Variants in ADGRV1 observed in about 807,000 individuals in gnomAD.
ADGRV1 encodes G-protein coupled receptor 98.
Under a neutral mutation model 596.2 loss-of-function variants are expected in ADGRV1, and 359 were observed. The observed-to-expected ratio is 0.60, with a 90% CI of 0.55 to 0.66. The LOEUF (loss-of-function observed/expected upper bound fraction) is 0.66. ADGRV1 is among the 30% of genes least tolerant of loss of function. The pLI, the probability that ADGRV1 is intolerant of heterozygous loss-of-function variation, is 0.00. For synonymous variants in ADGRV1, 2,681 were observed against 2,679.2 expected (o/e 1.00, Z -0.02); for missense variants, 7,274 against 7,575.6 (o/e 0.96, Z 1.48).
chr5:90,593,148 A>G (rs1759745337), intron 1 of ADGRV1, among the ~76,000 whole-genome samples: 1 of 152,232 alleles, frequency 6.6e-6, no homozygotes, highest in African/African-American at 2.4e-5. Flanking sequence ...AGACACATGC[A>G]CATGTATGTT....
chr5:91,036,529 T>G (rs1784925205), intron 85 of ADGRV1, among the ~76,000 whole-genome samples: 1 of 149,928 alleles, frequency 6.7e-6, no homozygotes, highest in Non-Finnish European at 1.5e-5. Context: ...GCCACTGCAC[T>G]CTAGCCTGGG....
In ADGRV1 at chr5:91,072,574, G is replaced by A; in HGVS notation, c.18280G>A (p.Asp6094Asn). ...QVKPQWKAYD[D>N]VFRGRTNAAE... Reference sequence around the variant, plus strand: ...GAAGCCACAGTGGAAAGCATATGATGATGTCTTCAGAGGAAGGACAAATGC... The same window carrying A: ...GAAGCCACAGTGGAAAGCATATGATAATGTCTTCAGAGGAAGGACAAATGC... The change falls in exon 86 of 90, where the codon GAT becomes AAT. Residue 6094 changes from aspartate (D) to asparagine (N), a missense_variant. Coordinates refer to ENST00000405460, the MANE Select transcript of ADGRV1 (RefSeq NM_032119.4). The A allele has an allele frequency of 6.2e-7, 1 of 1,613,814 alleles. No homozygotes were observed. The highest frequency in any genetic ancestry group is 8.5e-7 in the Non-Finnish European group (1 of 1,179,738).
chr5:90,848,680 G>A lies in ADGRV1; in HGVS notation c.17063G>A (p.Arg5688Gln), dbSNP rs374682222. Reference protein sequence around the residue: ...GKIQAFSVASRTLFYEILCSL... With the variant: ...GKIQAFSVASQTLFYEILCSL... ...ATTCAAGCTTTCAGTGTTGCCAGCC[G>A]AACTCTTTTCTATGAGATTCTTTGT... Residue 5688 changes from arginine to glutamine, a missense_variant, in exon 79 of 90, where the codon CGA becomes CAA. This residue lies in a region of ADGRV1 where 1,874 missense variants were observed against 1,970.2 expected (regional missense o/e 0.95). Coordinates refer to ENST00000405460, the MANE Select transcript of ADGRV1 (RefSeq NM_032119.4). 75 of 1,560,910 alleles carry A rather than the reference G, an allele frequency of 4.8e-5. No individual in the cohort carries two copies. Among genetic ancestry groups the A allele is most frequent in the South Asian group, 6.4e-5 (5 of 77,842 alleles).
rs185882370 is a variant in ADGRV1 at position 90,823,232 on chromosome 5, T to G, written c.16197-193T>G. On this transcript the variant is annotated intron_variant, in intron 75 of 89. Transcript: ENST00000405460. ...AGAAAACCACATAAGCCCTGAGGCT[T>G]AATCCTCTTATCTGTAGTGAGGAAA... 2.6e-5 allele frequency among the ~76,000 whole-genome samples: 4 copies of G among 152,332 alleles called. No individual in the cohort carries two copies. In the East Asian group the frequency reaches 7.7e-4, roughly 29 times the overall value.
chr5:91,150,636 C>G (rs753902712), intron 88 of ADGRV1, among the ~76,000 whole-genome samples: 1 of 152,172 alleles, frequency 6.6e-6, no homozygotes, highest in African/African-American at 2.4e-5. Context: ...AGCTCTCTTC[C>G]TCCACCCATT....
chr5:90,844,648 C>T (rs11959536), intron 78 of ADGRV1, among the ~76,000 whole-genome samples: 35 of 152,228 alleles, frequency 2.3e-4, no homozygotes, highest in African/African-American at 6.5e-4. Flanking sequence ...TTGATTTTGT[C>T]GTTATCAAAG....
intron 84 of ADGRV1, among the ~76,000 whole-genome samples, chr5:90,967,350 T>C (rs981705781): frequency 6.6e-6 from 1 of 152,138 alleles, no homozygotes; most frequent in Non-Finnish European, 1.5e-5. Flanking sequence ...TCATGGAAAA[T>C]TAATGGTGTT....
chr5:90,668,340 AGTGCAGTATTCTG>A, intron 21 of ADGRV1, among the ~76,000 whole-genome samples: 1 of 152,254 alleles, frequency 6.6e-6, no homozygotes, highest in Middle Eastern at 3.4e-3. Context: ...CCGTCGGAAA[AGTGCAGTATTCTG>A]GTGGGAGTGA....
At chr5:90,825,813 A>G (rs910962053) in intron 76 of ADGRV1, 2 of 152,222 alleles carry the variant, frequency 1.3e-5, no homozygotes, top group Admixed American at 1.3e-4. Flanking sequence ...TTTCCTAACT[A>G]GAGAAATGCT....
intron 52 of ADGRV1, among the ~76,000 whole-genome samples, chr5:90,749,027 A>G (rs961306602): frequency 6.6e-6 from 1 of 152,140 alleles, no homozygotes; most frequent in African/African-American, 2.4e-5. Flanking sequence ...CTGGGGTGAG[A>G]ACCGACATGC....
At chr5:90,596,507 A>G (rs1001687900) in intron 1 of ADGRV1, among the ~76,000 whole-genome samples, 1 of 152,124 alleles carries the variant, frequency 6.6e-6, no homozygotes, top group Admixed American at 6.5e-5. Flanking sequence ...ACCATTGAGC[A>G]CTGAGTGAAC....
intron 77 of ADGRV1, 129 bp from the exon 78 acceptor site, chr5:90,840,449 T>A (rs899675691): frequency 1.2e-5 from 8 of 660,822 alleles, no homozygotes; most frequent in African/African-American, 1.1e-4. Flanking sequence ...CATCTTTAGG[T>A]AGTACTGTCA....
intron 83 of ADGRV1, among the ~76,000 whole-genome samples, chr5:90,870,765 G>A (rs1768591705): frequency 6.6e-6 from 1 of 152,158 alleles, no homozygotes; most frequent in Non-Finnish European, 1.5e-5. Context: ...TCTGGGCCCT[G>A]GGGCTGCCAC....
At chr5:91,041,719 A>G (rs746020090) in intron 85 of ADGRV1, among the ~76,000 whole-genome samples, 2 of 152,062 alleles carry the variant, frequency 1.3e-5, no homozygotes, top group Non-Finnish European at 2.9e-5. Flanking sequence ...AACCTACTTG[A>G]AAGAATTTCA....
intron 31 of ADGRV1, 51 bp from the exon 32 acceptor site, chr5:90,692,554 T>C: frequency 7.2e-7 from 1 of 1,392,164 alleles, no homozygotes; most frequent in Non-Finnish European, 9.8e-7. Context: ...TCATTTTTAT[T>C]CTAATTTCAG....
intron 86 of ADGRV1, among the ~76,000 whole-genome samples, chr5:91,101,208 A>G (rs563175979): frequency 2.6e-5 from 4 of 151,580 alleles, no homozygotes; most frequent in South Asian, 2.1e-4. Context: ...TAATTCAGGG[A>G]AAAAAAAACT....
At chr5:90,743,026 T>TA (rs1462093623) in intron 50 of ADGRV1, among the ~76,000 whole-genome samples, 3 of 152,130 alleles carry the variant, frequency 2.0e-5, no homozygotes, top group Non-Finnish European at 4.4e-5. Context: ...CTACTGATTA[T>TA]AGAGTTTAGA....
At chr5:91,152,434 C>A (rs757192080) in intron 88 of ADGRV1, among the ~76,000 whole-genome samples, 15 of 152,050 alleles carry the variant, frequency 9.9e-5, no homozygotes, top group Non-Finnish European at 1.8e-4. Flanking sequence ...GATTCTTCTC[C>A]ATTTCTTATA....
chr5:91,089,255 G>A (rs1790175797), intron 86 of ADGRV1, among the ~76,000 whole-genome samples: 1 of 152,024 alleles, frequency 6.6e-6, no homozygotes, highest in Non-Finnish European at 1.5e-5. Context: ...TAACAACAGA[G>A]AGTAAGTAAT....
Sources: gnomAD v4.1 joint callset for allele counts (sites outside exome capture counted in the v4.1 genomes callset) on GRCh38, gnomAD v4.1.1 for gene constraint, gnomAD v4.1.1 regional missense constraint, MANE v1.5 for transcripts, NCBI Gene and HGNC (gene_info 2026-07-23, HGNC 2026-07-21) for gene names.